MCTP1: variants seen among roughly 807,000 people sequenced by gnomAD.
The protein encoded by MCTP1 is multiple C2 and transmembrane domain containing 1.
A neutral mutation model predicts 120.6 loss-of-function variants in MCTP1; 69 were observed. That is an observed-to-expected ratio of 0.57 (90% CI 0.47 to 0.70). The LOEUF (loss-of-function observed/expected upper bound fraction) is 0.70. MCTP1 is among the 30% of genes least tolerant of loss of function. MCTP1 has a pLI of 0.00. For missense variants in MCTP1, 1,203 were observed against 1,248.8 expected, an observed-to-expected ratio of 0.96 and a Z score of 0.55; for synonymous variants, 529 against 493.1, an observed-to-expected ratio of 1.07 and a Z score of -0.96.
intron 3 of MCTP1, 41 bp downstream of exon 3, chr5:94,953,178 C>T (rs1821062203): frequency 6.5e-7 from 1 of 1,538,662 alleles, no homozygotes. Context: ...CAGGGATTTC[C>T]ACATCAGTTT....
chr5:95,254,454 C>A (rs1255951342), intron 1 of MCTP1, among the ~76,000 whole-genome samples: 1 of 152,124 alleles, frequency 6.6e-6, no homozygotes, highest in East Asian at 1.9e-4. Context: ...CTAGCCCAGG[C>A]AGCCTGGCTC....
chr5:95,204,560 A>T (rs1172967977), intron 1 of MCTP1, among the ~76,000 whole-genome samples: 1 of 152,198 alleles, frequency 6.6e-6, no homozygotes. Flanking sequence ...AAAGTCATCC[A>T]GATTGGAAAG....
intron 17 of MCTP1, among the ~76,000 whole-genome samples, chr5:94,865,208 T>G (rs981499982): frequency 1.3e-5 from 2 of 151,854 alleles, no homozygotes; most frequent in African/African-American, 4.8e-5. Context: ...TTAAGGAAGC[T>G]GGAGCTGTCC....
At chr5:95,254,917 T>C (rs1757726425) in intron 1 of MCTP1, among the ~76,000 whole-genome samples, 1 of 152,182 alleles carries the variant, frequency 6.6e-6, no homozygotes, top group Admixed American at 6.5e-5. Flanking sequence ...ATACAACCCA[T>C]TAGTGAGTCA....
chr5:94,843,639 T>A (rs868260245), intron 17 of MCTP1, among the ~76,000 whole-genome samples: 2 of 152,220 alleles, frequency 1.3e-5, no homozygotes, highest in South Asian at 4.1e-4. Flanking sequence ...TTGGAGGCCA[T>A]TAGTTGTGTC....
At chr5:95,130,009 C>A (rs1457464552) in intron 1 of MCTP1, among the ~76,000 whole-genome samples, 1 of 152,180 alleles carries the variant, frequency 6.6e-6, no homozygotes, top group Admixed American at 6.5e-5. Context: ...GAACATCCAT[C>A]TTCTCCTGTC....
intron 1 of MCTP1, among the ~76,000 whole-genome samples, chr5:95,214,025 A>C (rs1311796254): frequency 6.6e-6 from 1 of 152,272 alleles, no homozygotes; most frequent in Non-Finnish European, 1.5e-5. Context: ...GGATCTAATT[A>C]AACTAAAGAG....
chr5:95,218,037 T>G (rs535318970), intron 1 of MCTP1, among the ~76,000 whole-genome samples: 1 of 152,368 alleles, frequency 6.6e-6, no homozygotes, highest in East Asian at 1.9e-4. Flanking sequence ...AGATCTAGCC[T>G]GTGAACCAGA....
intron 1 of MCTP1, among the ~76,000 whole-genome samples, chr5:95,046,356 A>G (rs763421914): frequency 2.6e-5 from 4 of 152,218 alleles, no homozygotes; most frequent in Non-Finnish European, 4.4e-5. Context: ...CAGCTCTAAC[A>G]GCTAATTTCA....
At chr5:95,189,789 T>A (rs1749632561) in intron 1 of MCTP1, among the ~76,000 whole-genome samples, 1 of 152,152 alleles carries the variant, frequency 6.6e-6, no homozygotes, top group Admixed American at 6.5e-5. Flanking sequence ...TTTGCATATT[T>A]TTCCATGTGC....
At chr5:94,858,962 T>C (rs1464070514) in intron 17 of MCTP1, among the ~76,000 whole-genome samples, 3 of 151,754 alleles carry the variant, frequency 2.0e-5, no homozygotes, top group Non-Finnish European at 4.4e-5. Flanking sequence ...CATGATTCTA[T>C]GTCATGATCT....
chr5:94,914,811 G>A (rs1015223628), intron 8 of MCTP1, among the ~76,000 whole-genome samples: 1 of 152,214 alleles, frequency 6.6e-6, no homozygotes, highest in Non-Finnish European at 1.5e-5. Flanking sequence ...GGACTTCTCA[G>A]ATGAAAGTAA....
intron 2 of MCTP1, among the ~76,000 whole-genome samples, chr5:94,960,875 G>A (rs1823959028): frequency 6.6e-6 from 1 of 152,138 alleles, no homozygotes; most frequent in South Asian, 2.1e-4. Flanking sequence ...AATTCCTCAA[G>A]AATCTAGAAC....
chr5:94,929,088 C>T (rs1216121129), intron 6 of MCTP1, among the ~76,000 whole-genome samples: 2 of 152,062 alleles, frequency 1.3e-5, no homozygotes, highest in Admixed American at 1.3e-4. Context: ...CAGGAAATTC[C>T]ATGAGCTGAT....
chr5:94,937,605 A>C (rs1467631362), intron 5 of MCTP1, among the ~76,000 whole-genome samples: 1 of 152,056 alleles, frequency 6.6e-6, no homozygotes, highest in Admixed American at 6.6e-5. Flanking sequence ...TTGAGCAACC[A>C]TGGAGACTGA....
At chr5:95,095,943 G>T (rs79297321) in intron 1 of MCTP1, among the ~76,000 whole-genome samples, 1 of 152,132 alleles carries the variant, frequency 6.6e-6, no homozygotes, top group African/African-American at 2.4e-5. Context: ...CCCTGAGGGG[G>T]AAACGAGACC....
At chr5:94,931,813 G>T in intron 6 of MCTP1, 140 bp downstream of exon 6, 1 of 675,900 alleles carries the variant, frequency 1.5e-6, no homozygotes, top group Non-Finnish European at 2.5e-6. Flanking sequence ...TCACATGGTT[G>T]GCTTAAATTT....
chr5:94,740,916 G>C lies in MCTP1; in HGVS notation c.2611-26030C>G, dbSNP rs1288982027. 2.6e-5 allele frequency among the ~76,000 whole-genome samples: 4 copies of C among 152,308 alleles called. No individual in the cohort carries two copies. In the South Asian group the frequency reaches 8.3e-4, roughly 32 times the overall value. ...AATCAAAGAAGACTTCCTGGAGAAGGTGAGAACACAGGTTGCGGAAACACA... is the reference window on the plus strand; with the variant it reads ...AATCAAAGAAGACTTCCTGGAGAAGCTGAGAACACAGGTTGCGGAAACACA... On this transcript the variant is annotated intron_variant, in intron 19 of 22. Transcript: ENST00000515393.
At chr5:94,808,939 G>T (rs993979235) in intron 17 of MCTP1, among the ~76,000 whole-genome samples, 1 of 152,016 alleles carries the variant, frequency 6.6e-6, no homozygotes, top group Non-Finnish European at 1.5e-5. Flanking sequence ...ATGTATGCTG[G>T]GTTTTTGAAG....
Sources: gnomAD v4.1 joint callset for allele counts (sites outside exome capture counted in the v4.1 genomes callset) on GRCh38, gnomAD v4.1.1 for gene constraint, MANE v1.5 for transcripts, NCBI Gene and HGNC (gene_info 2026-07-23, HGNC 2026-07-21) for gene names.